The following ADCY7 variants were observed in gnomAD, a reference collection of about 807,000 sequenced individuals.
ADCY7 encodes the protein adenylate cyclase type 7.
In ADCY7, 72 loss-of-function variants were observed where a neutral mutation model predicts 120.6. The observed-to-expected ratio is 0.60, with a 90% CI of 0.49 to 0.73. The LOEUF (loss-of-function observed/expected upper bound fraction) is 0.73, where lower values mean the gene tolerates loss of function less well. ADCY7 is among the 30% of genes least tolerant of loss of function. ADCY7 has a pLI of 0.00. For missense variants in ADCY7, 1,227 were observed against 1,486.0 expected (o/e 0.83, Z 2.87); for synonymous variants, 661 against 628.0 (o/e 1.05, Z -0.78).
rs749028711 is a variant in ADCY7 at position 50,315,308 on chromosome 16, G to C, written c.3097-51G>C. 6.3e-6 allele frequency: 10 copies of C among 1,587,634 alleles called. No homozygotes were observed. In the East Asian group the frequency reaches 2.3e-4, roughly 36 times the overall value. On this transcript the variant is annotated intron_variant, in intron 25 of 25. Transcript: ENST00000673801. ...GGCAGTCTCTATCTGTCCCTACCAT[G>C]ACAGGTGTTCTTCCCGCCTCTGAAG...
intron 3 of ADCY7, 84 bp downstream of exon 3, chr16:50,290,744 G>T: frequency 6.9e-7 from 1 of 1,442,256 alleles, no homozygotes; most frequent in South Asian, 1.3e-5. Flanking sequence ...CAGGCCCTTC[G>T]TGCCCCACGC....
At chr16:50,287,880 A>G in intron 1 of ADCY7, 32 bp from the exon 2 acceptor site, 2 of 338,878 alleles carry the variant, frequency 5.9e-6, no homozygotes, top group South Asian at 1.7e-4. Flanking sequence ...TTGGACCATT[A>G]GGTCAAGTTC....
At chr16:50,255,368 G>A (rs1181455819) in intron 1 of ADCY7, among the ~76,000 whole-genome samples, 1 of 123,518 alleles carries the variant, frequency 8.1e-6, no homozygotes, top group Non-Finnish European at 1.6e-5. Flanking sequence ...ACAGGCATGA[G>A]CTACCATGCC....
chr16:50,300,652 TGGG>T, intron 8 of ADCY7, 60 bp from the exon 9 acceptor site: 1 of 1,535,758 alleles, frequency 6.5e-7, no homozygotes, highest in East Asian at 2.5e-5. Flanking sequence ...ACCCCACACC[TGGG>T]AGCTTCAGCC....
intron 19 of ADCY7, among the ~76,000 whole-genome samples, chr16:50,311,254 T>C (rs1372195449): frequency 2.0e-5 from 3 of 152,182 alleles, no homozygotes; most frequent in Non-Finnish European, 2.9e-5. Context: ...TGTGTGGTTC[T>C]AGGGGTTCTG....
In ADCY7 at chr16:50,304,264, C is replaced by T. The variant is rs935761147; in HGVS notation, c.1369-96C>T. 1.1e-5 allele frequency: 13 copies of T among 1,190,860 alleles called. No individual in the cohort carries two copies. In the African/African-American group the frequency reaches 1.1e-4, roughly 10 times the overall value. 73.8% of individuals were successfully genotyped at this position (1,190,860 alleles called of 1,614,324 possible). On this transcript the variant is annotated intron_variant, in intron 10 of 25. Coordinates refer to ENST00000673801, the MANE Select transcript of ADCY7 (RefSeq NM_001114.5). Reference sequence around the variant, plus strand: ...TTATTTTTTCACGGGCTCAGGGCGGCGTCACACTTCAGGGAGAGCTGGATG... The same window carrying T: ...TTATTTTTTCACGGGCTCAGGGCGGTGTCACACTTCAGGGAGAGCTGGATG...
chr16:50,292,576 G>C (rs1220839032), intron 4 of ADCY7, 100 bp from the exon 5 acceptor site: 1 of 1,444,364 alleles, frequency 6.9e-7, no homozygotes, highest in Non-Finnish European at 9.4e-7. Flanking sequence ...GAAGGTCAGG[G>C]AATGGGAAGA....
chr16:50,272,731 CA>C (rs1445419249), intron 1 of ADCY7, among the ~76,000 whole-genome samples: 2 of 152,116 alleles, frequency 1.3e-5, no homozygotes, highest in African/African-American at 4.8e-5. Context: ...CTTGCTGGAG[CA>C]GGGGTCCAGG....
chr16:50,311,891 A>AT, intron 20 of ADCY7, 105 bp downstream of exon 20: 2 of 1,459,758 alleles, frequency 1.4e-6, no homozygotes, highest in South Asian at 1.2e-5. Context: ...GTAGCAGAAA[A>AT]GACTAGAGTC....
chr16:50,262,642 C>T (rs981254506), upstream of ADCY7, among the ~76,000 whole-genome samples: 1 of 152,148 alleles, frequency 6.6e-6, no homozygotes, highest in Admixed American at 6.5e-5. Flanking sequence ...CTCCCCAGAG[C>T]TTTATGCCAT....
rs567778794 is a variant in ADCY7 at position 50,271,303 on chromosome 16, C to T, written c.-269+4623C>T. Among the ~76,000 whole-genome samples, 4 of 152,262 alleles carry T rather than the reference C, an allele frequency of 2.6e-5. No homozygotes were observed. In the South Asian group the frequency reaches 6.2e-4, roughly 24 times the overall value. ...GTTGCCCAGGCTGGGGTACAGTGGC[C>T]TGGTCATAGCTCACAGCAGCCTCGA... is the stretch of plus-strand genomic sequence containing the variant. On this transcript the variant is annotated intron_variant, in intron 1 of 25. Coordinates refer to ENST00000673801, the MANE Select transcript of ADCY7 (RefSeq NM_001114.5).
rs186033356 is a variant in ADCY7 at position 50,304,254 on chromosome 16, C to T, written c.1369-106C>T. On this transcript the variant is annotated intron_variant, in intron 10 of 25. Coordinates refer to ENST00000673801, the MANE Select transcript of ADCY7 (RefSeq NM_001114.5). ...TCTTTGCTGTTTATTTTTTCACGGG[C>T]TCAGGGCGGCGTCACACTTCAGGGA... The T allele has an allele frequency of 3.5e-6, 4 of 1,130,080 alleles. No homozygotes were observed. The African/African-American group carries it at 6.4e-5, about 18-fold the overall frequency. 70.0% of individuals were successfully genotyped at this position (1,130,080 alleles called of 1,614,324 possible).
chr16:50,247,438 G>A (rs763812207), intron 1 of ADCY7, among the ~76,000 whole-genome samples: 9 of 151,906 alleles, frequency 5.9e-5, no homozygotes, highest in East Asian at 1.9e-4. Context: ...CATGGCTTAC[G>A]GCAACCTCCA....
chr16:50,283,194 G>A (rs1342832574), intron 1 of ADCY7, among the ~76,000 whole-genome samples: 1 of 152,206 alleles, frequency 6.6e-6, no homozygotes, highest in East Asian at 1.9e-4. Context: ...TCTTGGTTGC[G>A]AGTGACAGAA....
chr16:50,277,912 C>T (rs552362983), intron 1 of ADCY7, among the ~76,000 whole-genome samples: 7 of 151,968 alleles, frequency 4.6e-5, no homozygotes, highest in East Asian at 3.9e-4. Flanking sequence ...CCTCATGATC[C>T]GCCCACCTCG....
At chr16:50,314,762 A>G (rs377151346) in intron 24 of ADCY7, 7 of 481,930 alleles carry the variant, frequency 1.5e-5, no homozygotes, top group African/African-American at 1.4e-4. Flanking sequence ...TCTTTGTTAA[A>G]AGAGAGATTA....
intron 6 of ADCY7, among the ~76,000 whole-genome samples, chr16:50,293,753 A>G (rs1346078967): frequency 6.6e-6 from 1 of 152,198 alleles, no homozygotes; most frequent in East Asian, 1.9e-4. Flanking sequence ...GCACACCCCC[A>G]AAACTGTAAA....
At chr16:50,295,309 G>A (rs2035273593) in intron 7 of ADCY7, among the ~76,000 whole-genome samples, 1 of 149,266 alleles carries the variant, frequency 6.7e-6, no homozygotes, top group Admixed American at 6.7e-5. Context: ...CTCCTGAGTA[G>A]CTGGGACTAC....
At chr16:50,282,896 A>G (rs1014232842) in intron 1 of ADCY7, among the ~76,000 whole-genome samples, 5 of 151,962 alleles carry the variant, frequency 3.3e-5, no homozygotes, top group African/African-American at 1.2e-4. Flanking sequence ...AAAATAAACA[A>G]CTTTTTATAG....
Sources: allele counts gnomAD v4.1 joint callset (sites outside exome capture counted in the v4.1 genomes callset), GRCh38; gene constraint gnomAD v4.1.1; transcripts MANE v1.5; gene names NCBI Gene and HGNC (gene_info 2026-07-23, HGNC 2026-07-21).